Variants in XYLT2 observed in about 807,000 individuals in gnomAD.
XYLT2 encodes UDP-D-xylose:proteoglycan core protein beta-D-xylosyltransferase.
In XYLT2, 37 loss-of-function variants were observed where a neutral mutation model predicts 82.6. The ratio of observed to expected loss-of-function variants is 0.45; its 90% CI spans 0.34 to 0.59. The LOEUF is 0.59. Among genes scored for constraint, XYLT2 ranks in the 20% least tolerant of loss-of-function variants. XYLT2 has a pLI of 0.01. For synonymous variants in XYLT2, 474 were observed against 499.0 expected (o/e 0.95, Z 0.67); for missense variants, 934 against 1,181.3 (o/e 0.79, Z 3.07).
rs1912495694 is a variant in XYLT2 at position 50,355,774 on chromosome 17, C to T, written c.1089-7C>T. The T allele has an allele frequency of 1.9e-6, 3 of 1,614,024 alleles. No homozygotes were observed. The highest frequency in any genetic ancestry group is 1.7e-6 in the Non-Finnish European group (2 of 1,179,998). ...ATCCCCAGCCATGGCCTCTCTGCTG[C>T]CCACAGGTTCATCAAGAAACAGGGC... On this transcript the variant is annotated splice_polypyrimidine_tract_variant and splice_region_variant and intron_variant, in intron 5 of 10. Transcript: ENST00000017003.
In XYLT2 at chr17:50,346,454, A is replaced by C. The variant is rs1034578117; in HGVS notation, c.135+179A>C. The C allele has an allele frequency of 5.3e-5, 45 of 849,828 alleles. No individual in the cohort carries two copies. The allele number at this position is 849,828 out of a possible 1,614,324, so 52.6% of individuals were successfully genotyped here. On this transcript the variant is annotated intron_variant, in intron 1 of 10. Transcript: ENST00000017003. This position sits in a 1 kb window ranked among gnomAD's most constrained non-coding sequence, Gnocchi z 5.1. The stretch of plus-strand genomic sequence containing the variant: ...CGGCACTCCCTTCCCCAGCAGGCCT[A>C]GGGAGCTGCGCGCGGGGGCAGTGCG...
intron 4 of XYLT2, 89 bp downstream of exon 4, chr17:50,355,145 C>A (rs1912463408): frequency 1.5e-6 from 2 of 1,375,274 alleles, no homozygotes; most frequent in East Asian, 2.3e-5. Context: ...ACCTTCTCTG[C>A]CCCATAAGCG....
chr17:50,360,590 T>TTA lies in XYLT2; in HGVS notation c.*299_*300insTA. The TTA allele has an allele frequency of 1.8e-6, 2 of 1,142,220 alleles. No homozygotes were observed. Among genetic ancestry groups the TTA allele is most frequent in the East Asian group, 4.5e-5 (1 of 22,358 alleles). 70.8% of individuals were successfully genotyped at this position (1,142,220 alleles called of 1,614,324 possible). ...TTTTTTCTTTTTTTTTTTTTTTTTT[T>TTA]AATTTAAAAAGGAAAATGGGTGGTT... On this transcript the variant is annotated 3_prime_UTR_variant, in exon 11 of 11. Coordinates refer to ENST00000017003, the MANE Select transcript of XYLT2 (RefSeq NM_022167.4).
rs780472718 is a variant in XYLT2 at position 50,355,609 on chromosome 17, C to T, written c.1088+28C>T. On this transcript the variant is annotated intron_variant, in intron 5 of 10. Transcript: ENST00000017003. ...GAGGGGGTGGGGAAGGAGGCCCTGGCCCCAGAGTCTTGTCCCAACCCCTCC... is the reference window on the plus strand; with the variant it reads ...GAGGGGGTGGGGAAGGAGGCCCTGGTCCCAGAGTCTTGTCCCAACCCCTCC... 3.1e-6 allele frequency: 5 copies of T among 1,612,956 alleles called. No homozygotes were observed. The Admixed American group carries it at 6.7e-5, about 22-fold the overall frequency.
At chr17:50,355,471 T>G (rs191781547) in intron 4 of XYLT2, 30 bp from the exon 5 acceptor site, 1 of 1,610,064 alleles carries the variant, frequency 6.2e-7, no homozygotes, top group Non-Finnish European at 8.5e-7. Context: ...CTATCTCATG[T>G]GGCTGCCTGT....
chr17:50,349,288 C>T (rs1912158449), intron 1 of XYLT2, among the ~76,000 whole-genome samples: 1 of 152,214 alleles, frequency 6.6e-6, no homozygotes. Context: ...TGTCACCAGG[C>T]TGATGCACAC....
chr17:50,356,022 G>T (rs555233211), intron 6 of XYLT2, 25 bp downstream of exon 6: 2 of 1,614,080 alleles, frequency 1.2e-6, no homozygotes, highest in African/African-American at 1.3e-5. Flanking sequence ...AGGCATGAAG[G>T]CCAGGGAGGG....
At chr17:50,359,653 A>G in intron 10 of XYLT2, 1 of 320,640 alleles carries the variant, frequency 3.1e-6, no homozygotes, top group Non-Finnish European at 5.8e-6. Context: ...CAGGCTTCTG[A>G]GGGCTCTAGG....
chr17:50,354,790 T>A (rs2143217643), intron 3 of XYLT2, 64 bp from the exon 4 acceptor site: 1 of 1,599,344 alleles, frequency 6.3e-7, no homozygotes, highest in South Asian at 1.1e-5. Context: ...CTTCACTCTG[T>A]CCTGGGGTGG....
Position 50,355,006 on chromosome 17 carries a change from C to G in XYLT2, c.957C>G (p.Gly319=). 6.5e-7 allele frequency: 1 copy of G among 1,545,550 alleles called. No homozygotes were observed. Among genetic ancestry groups the G allele is most frequent in the Non-Finnish European group, 8.7e-7 (1 of 1,146,214 alleles). ...RSMRDLLEVP[G]WAWDFFINLS... ...TGCGGGACCTGCTAGAGGTGCCTGGCTGGGCCTGGGACTTCTTCATCAACC... is the reference window on the plus strand; with the variant it reads ...TGCGGGACCTGCTAGAGGTGCCTGGGTGGGCCTGGGACTTCTTCATCAACC... Residue 319 remains glycine (G), a synonymous_variant, in exon 4 of 11, where the codon GGC becomes GGG. Transcript: ENST00000017003.
In XYLT2 at chr17:50,357,171, G is replaced by A. The variant is rs776734491; in HGVS notation, c.1860G>A (p.Thr620=). Reference sequence around the variant, plus strand: ...CCTCAGCCCAGGGGCCGGCAGAGACGCTTGAGATGTGGCTGATGCCCCAAG... The same window carrying A: ...CCTCAGCCCAGGGGCCGGCAGAGACACTTGAGATGTGGCTGATGCCCCAAG... The part of the protein sequence containing the change: ...VQPSAQGPAE[T]LEMWLMPQGS... The change falls in exon 9 of 11, where the codon ACG becomes ACA. Residue 620 remains threonine (T), a synonymous_variant. Transcript: ENST00000017003. 1.8e-5 allele frequency: 29 copies of A among 1,612,706 alleles called. No homozygotes were observed. Among genetic ancestry groups the A allele is most frequent in the Admixed American group, 1.0e-4 (6 of 59,982 alleles).
chr17:50,353,650 A>T lies in XYLT2; in HGVS notation c.156A>T (p.Pro52=). Residue 52 remains proline, a synonymous_variant, in exon 2 of 11, where the codon CCA becomes CCT. Transcript: ENST00000017003. ...EAGEKGRQRK[P]RPLDPGEGSK... is the part of the protein sequence containing the mutation. The stretch of plus-strand genomic sequence containing the variant: ...TACAGAAAGGAAGGCAGAGGAAGCC[A>T]CGGCCACTGGACCCTGGCGAGGGTT... 6.4e-7 allele frequency: 1 copy of T among 1,566,016 alleles called. No individual in the cohort carries two copies. Among genetic ancestry groups the T allele is most frequent in the South Asian group, 1.2e-5 (1 of 85,390 alleles).
rs1195491252 is a variant in XYLT2, at chr17:50,354,103, C to T, written c.609C>T (p.Pro203=). ...GGAGCCTCATGCCCAAGGCTGTGCC[C>T]CGGCACTGTCAGCTGACTGGTGAGG... is the stretch of plus-strand genomic sequence containing the variant. ...QAGSLMPKAV[P]RHCQLTGKMS... Residue 203 remains proline, a synonymous_variant, in exon 2 of 11, where the codon CCC becomes CCT. Coordinates refer to ENST00000017003, the MANE Select transcript of XYLT2 (RefSeq NM_022167.4). The T allele has an allele frequency of 6.2e-7, 1 of 1,604,856 alleles. No individual in the cohort carries two copies.
chr17:50,353,503 AG>A, intron 1 of XYLT2, 126 bp from the exon 2 acceptor site: 1 of 1,423,236 alleles, frequency 7.0e-7, no homozygotes, highest in Non-Finnish European at 9.3e-7. Flanking sequence ...TTAGGTGAAA[AG>A]CGCTTCTCTG....
rs774107815 is a variant in XYLT2, at chr17:50,360,240, C to T, written c.2547C>T (p.Pro849=). 1.9e-5 allele frequency: 30 copies of T among 1,612,898 alleles called. No individual in the cohort carries two copies. Among genetic ancestry groups the T allele is most frequent in the East Asian group, 6.7e-5 (3 of 44,874 alleles). ...TGACCAGCTGGAGCTCTCTGTCCCC[C>T]GACCCCAAATCAGAGCTGGGGCCTG... ...CRLTSWSSLS[P]DPKSELGPVK... The change falls in exon 11 of 11, where the codon CCC becomes CCT. Residue 849 remains proline (P), a synonymous_variant. Transcript: ENST00000017003.
intron 2 of XYLT2, 89 bp downstream of exon 2, chr17:50,354,211 A>G: frequency 6.3e-7 from 1 of 1,575,704 alleles, no homozygotes; most frequent in Non-Finnish European, 8.6e-7. Flanking sequence ...CTGAGGAAGA[A>G]AGAGCCAAGG....
At chr17:50,358,661 A>T in intron 10 of XYLT2, 121 bp downstream of exon 10, 1 of 1,076,742 alleles carries the variant, frequency 9.3e-7, no homozygotes, top group Non-Finnish European at 1.3e-6. Flanking sequence ...GGAAGCATGG[A>T]AGGGCTGGGG....
intron 1 of XYLT2, among the ~76,000 whole-genome samples, chr17:50,347,675 C>A (rs1364938677): frequency 6.6e-6 from 1 of 152,272 alleles, no homozygotes; most frequent in Non-Finnish European, 1.5e-5. Context: ...CCACCACCTC[C>A]TCCTCCAGCT....
intron 4 of XYLT2, 141 bp downstream of exon 4, chr17:50,355,197 C>A: frequency 1.1e-6 from 1 of 951,560 alleles, no homozygotes; most frequent in Non-Finnish European, 1.5e-6. Flanking sequence ...GCCCCTGGGC[C>A]CCAGCTATGT....
Sources: allele counts gnomAD v4.1 joint callset (sites outside exome capture counted in the v4.1 genomes callset), GRCh38; gene constraint gnomAD v4.1.1; non-coding constraint Gnocchi (gnomAD v3.1); transcripts MANE v1.5; gene names NCBI Gene and HGNC (gene_info 2026-07-23, HGNC 2026-07-21).